Variants in SDK1 observed in about 807,000 individuals in gnomAD.
SDK1 encodes the protein protein sidekick-1.
SDK1 carries 157 observed loss-of-function variants against 245.5 expected under a neutral mutation model. The observed-to-expected ratio is 0.64, with a 90% CI of 0.56 to 0.73. The LOEUF (loss-of-function observed/expected upper bound fraction) is 0.73, where lower values mean the gene tolerates loss of function less well. Among genes scored for constraint, SDK1 ranks in the 30% least tolerant of loss-of-function variants. The pLI is 0.00. For missense variants in SDK1, 3,583 were observed against 3,002.3 expected (o/e 1.19, Z -4.52); for synonymous variants, 1,647 against 1,278.5 (o/e 1.29, Z -6.15).
chr7:3,601,019 C>G (rs1171104580), intron 1 of SDK1, among the ~76,000 whole-genome samples: 4 of 151,206 alleles, frequency 2.6e-5, no homozygotes, highest in Non-Finnish European at 5.9e-5. Context: ...GTGGTAGATT[C>G]TTTCTTTTTT....
intron 5 of SDK1, among the ~76,000 whole-genome samples, chr7:3,836,366 GTA>G (rs1347400764): frequency 6.6e-6 from 1 of 152,204 alleles, no homozygotes; most frequent in African/African-American, 2.4e-5. Context: ...GTACGAGTGA[GTA>G]AAAAGTACGG....
chr7:3,660,129 C>G (rs1252981835), intron 4 of SDK1, among the ~76,000 whole-genome samples: 2 of 151,818 alleles, frequency 1.3e-5, no homozygotes, highest in Admixed American at 1.3e-4. Context: ...TATTTAAGAC[C>G]TTGGAAATGG....
intron 5 of SDK1, among the ~76,000 whole-genome samples, chr7:3,867,595 C>G (rs1780851912): frequency 6.6e-6 from 1 of 152,138 alleles, no homozygotes; most frequent in Non-Finnish European, 1.5e-5. Flanking sequence ...ATAAAACCAT[C>G]AGATCTCGTG....
At chr7:3,906,307 AATT>A (rs987782049) in intron 5 of SDK1, among the ~76,000 whole-genome samples, 3 of 152,142 alleles carry the variant, frequency 2.0e-5, no homozygotes, top group African/African-American at 7.2e-5. Flanking sequence ...GTGTCTCCCA[AATT>A]ATTGTAGTAA....
At chr7:3,805,922 T>C (rs1043133481) in intron 4 of SDK1, among the ~76,000 whole-genome samples, 1 of 152,196 alleles carries the variant, frequency 6.6e-6, no homozygotes, top group Non-Finnish European at 1.5e-5. Flanking sequence ...CCTGGCTCCT[T>C]TGCCCCCTCT....
intron 25 of SDK1, among the ~76,000 whole-genome samples, chr7:4,116,072 T>C (rs150812600): frequency 8.9e-4 from 135 of 152,144 alleles, no homozygotes; most frequent in African/African-American, 3.0e-3. Flanking sequence ...GCATAGACAC[T>C]TGGGGGGCCC....
chr7:3,633,968 T>G (rs1310650095), intron 2 of SDK1, among the ~76,000 whole-genome samples: 1 of 152,048 alleles, frequency 6.6e-6, no homozygotes, highest in Admixed American at 6.5e-5. Flanking sequence ...TCCCCTGGAC[T>G]AGGGCTCCAC....
chr7:4,090,255 AC>A (rs1781699977), intron 22 of SDK1, among the ~76,000 whole-genome samples: 1 of 151,936 alleles, frequency 6.6e-6, no homozygotes, highest in South Asian at 2.1e-4. Context: ...TTCTTTAAAA[AC>A]CTCATTTCTC....
At chr7:3,915,341 A>G (rs1779333886) in intron 5 of SDK1, among the ~76,000 whole-genome samples, 1 of 152,138 alleles carries the variant, frequency 6.6e-6, no homozygotes, top group Non-Finnish European at 1.5e-5. Context: ...GTCCCCACCC[A>G]AATCTCATCT....
At chr7:3,872,588 T>TC (rs1185173324) in intron 5 of SDK1, among the ~76,000 whole-genome samples, 1 of 151,382 alleles carries the variant, frequency 6.6e-6, no homozygotes, top group African/African-American at 2.4e-5. Context: ...ATCTTTTTTT[T>TC]TTTTTTTACA....
intron 4 of SDK1, among the ~76,000 whole-genome samples, chr7:3,711,760 A>G (rs1430913735): frequency 6.6e-6 from 1 of 152,038 alleles, no homozygotes; most frequent in Non-Finnish European, 1.5e-5. Context: ...CAGGCCCTGG[A>G]GGCCATTGAG....
intron 4 of SDK1, among the ~76,000 whole-genome samples, chr7:3,737,459 G>T (rs938413487): frequency 1.3e-5 from 2 of 152,238 alleles, no homozygotes; most frequent in African/African-American, 4.8e-5. Flanking sequence ...TTGGCTTTCT[G>T]CCTGAGGAGA....
chr7:4,208,314 A>G, intron 37 of SDK1, 29 bp downstream of exon 37: 1 of 1,600,782 alleles, frequency 6.2e-7, no homozygotes, highest in South Asian at 1.1e-5. Context: ...TCCTTTGGGC[A>G]GGCCTCCTTG....
At chr7:4,045,288 G>C (rs7810233) in intron 17 of SDK1, among the ~76,000 whole-genome samples, 35,891 of 152,008 alleles carry the variant, frequency 0.24, 5,903 homozygotes, top group African/African-American at 0.48. Flanking sequence ...CTGTGCCCAG[G>C]CTGGAGTGCA....
chr7:4,236,854 G>T (rs1370982617), intron 41 of SDK1, among the ~76,000 whole-genome samples: 1 of 152,112 alleles, frequency 6.6e-6, no homozygotes, highest in East Asian at 1.9e-4. Context: ...AGAGAAGGAC[G>T]TCTAGGCGCT....
At chr7:3,371,724 C>G (rs544126195) in intron 1 of SDK1, among the ~76,000 whole-genome samples, 1 of 152,090 alleles carries the variant, frequency 6.6e-6, no homozygotes, top group Non-Finnish European at 1.5e-5. Flanking sequence ...GAAAGGTAGA[C>G]GTGGAGGACA....
At chr7:3,946,071 G>A (rs796576089) in intron 5 of SDK1, among the ~76,000 whole-genome samples, 23 of 151,536 alleles carry the variant, frequency 1.5e-4, no homozygotes, top group African/African-American at 5.3e-4. Flanking sequence ...AAACAGAGGG[G>A]AGAAAATTAT....
intron 4 of SDK1, among the ~76,000 whole-genome samples, chr7:3,741,441 G>A (rs1779471517): frequency 2.0e-5 from 3 of 152,192 alleles, no homozygotes; most frequent in African/African-American, 7.2e-5. Flanking sequence ...ATATCTGTGT[G>A]AAGCTTATTT....
chr7:3,398,232 C>T (rs530750981), intron 1 of SDK1, among the ~76,000 whole-genome samples: 68 of 152,098 alleles, frequency 4.5e-4, no homozygotes, highest in Middle Eastern at 3.4e-3. Context: ...CTAGAAATAC[C>T]GCCTTAAGTA....
Sources: gnomAD v4.1 joint callset for allele counts (sites outside exome capture counted in the v4.1 genomes callset) on GRCh38, gnomAD v4.1.1 for gene constraint, MANE v1.5 for transcripts, NCBI Gene and HGNC (gene_info 2026-07-23, HGNC 2026-07-21) for gene names.